The following POT1 variants were observed in gnomAD, a reference collection of about 807,000 sequenced individuals.
The protein encoded by POT1 is protection of telomeres protein 1.
A neutral mutation model predicts 78.5 loss-of-function variants in POT1; 47 were observed. The ratio of observed to expected loss-of-function variants is 0.60; its 90% CI spans 0.47 to 0.76. The LOEUF (loss-of-function observed/expected upper bound fraction) is 0.76. Ranked by LOEUF, POT1 falls within the 30% of genes least tolerant of loss-of-function variation. The pLI is 0.00. For missense variants in POT1, 646 were observed against 749.9 expected (o/e 0.86, Z 1.62); for synonymous variants, 259 against 260.7 (o/e 0.99, Z 0.06).
intron 6 of POT1, among the ~76,000 whole-genome samples, chr7:124,885,293 CAAAAAA>C (rs11372618): frequency 1.6e-5 from 1 of 63,252 alleles, no homozygotes; most frequent in African/African-American, 6.2e-5. Context: ...TCCATCTCTC[CAAAAAA>C]AAAAAAAAAA....
Position 124,851,930 on chromosome 7 carries a change from C to A in POT1, c.891G>T (p.Leu297Phe). Residue 297 changes from leucine (L) to phenylalanine (F), a missense_variant, in exon 11 of 19, where the codon TTG becomes TTT. This residue lies in a region of POT1 where 394 missense variants were observed against 408.4 expected (regional missense o/e 0.96). Coordinates refer to ENST00000357628, the MANE Select transcript of POT1 (RefSeq NM_015450.3). Reference protein sequence around the residue: ...QLKKDLESANLTANQHSDVIC... With the variant: ...QLKKDLESANFTANQHSDVIC... ...TAACATCTGAATGCTGATTGGCTGT[C>A]AAATTTGCAGATTCTAAATCCCTAT... 6.2e-7 allele frequency: 1 copy of A among 1,610,332 alleles called. No homozygotes were observed. The highest frequency in any genetic ancestry group is 8.5e-7 in the Non-Finnish European group (1 of 1,176,954).
chr7:124,889,977 A>G (rs1563007136), intron 6 of POT1, among the ~76,000 whole-genome samples: 1 of 151,956 alleles, frequency 6.6e-6, no homozygotes, highest in African/African-American at 2.4e-5. Context: ...AAGTGTCATT[A>G]TTTAAAAAAA....
At chr7:124,871,678 C>T (rs759516543) in intron 6 of POT1, among the ~76,000 whole-genome samples, 3 of 150,360 alleles carry the variant, frequency 2.0e-5, no homozygotes, top group Non-Finnish European at 4.4e-5. Flanking sequence ...TGCTATAAAA[C>T]GATAACTTCA....
At chr7:124,912,690 ATTGT>A (rs1242875365) in intron 3 of POT1, among the ~76,000 whole-genome samples, 4 of 152,128 alleles carry the variant, frequency 2.6e-5, no homozygotes, top group African/African-American at 9.7e-5. Context: ...TATTCAATAT[ATTGT>A]TTAATAAATG....
chr7:124,844,126 G>GTTTT (rs34848715), intron 12 of POT1, among the ~76,000 whole-genome samples: 2 of 127,216 alleles, frequency 1.6e-5, no homozygotes, highest in Non-Finnish European at 3.3e-5. Context: ...GGCGATTGTG[G>GTTTT]TTTTTTTTTT....
intron 9 of POT1, among the ~76,000 whole-genome samples, chr7:124,856,642 C>T (rs1002527157): frequency 2.0e-5 from 3 of 152,014 alleles, no homozygotes; most frequent in Non-Finnish European, 4.4e-5. Context: ...ACAAGAAAAG[C>T]AGGAAAAGCG....
intron 2 of POT1, among the ~76,000 whole-genome samples, chr7:124,926,797 C>G (rs1439504066): frequency 6.6e-6 from 1 of 152,048 alleles, no homozygotes; most frequent in African/African-American, 2.4e-5. Context: ...AAATGGAGAC[C>G]ATTATCTTAA....
chr7:124,900,473 T>C (rs1236957484), intron 3 of POT1, among the ~76,000 whole-genome samples: 1 of 152,150 alleles, frequency 6.6e-6, no homozygotes, highest in Admixed American at 6.5e-5. Flanking sequence ...CAAACTTTTC[T>C]TAATGCCTTT....
chr7:124,868,985 A>G (rs1795799910), intron 7 of POT1, among the ~76,000 whole-genome samples: 1 of 152,054 alleles, frequency 6.6e-6, no homozygotes, highest in African/African-American at 2.4e-5. Context: ...AAACTGCTGG[A>G]TACAACTAGG....
intron 9 of POT1, among the ~76,000 whole-genome samples, chr7:124,857,128 G>T (rs1346426214): frequency 6.6e-6 from 1 of 152,158 alleles, no homozygotes; most frequent in Admixed American, 6.5e-5. Flanking sequence ...ATGTAGAATG[G>T]ATATATTTGC....
chr7:124,854,324 C>T (rs755421911), intron 9 of POT1, among the ~76,000 whole-genome samples: 3 of 151,692 alleles, frequency 2.0e-5, no homozygotes, highest in Non-Finnish European at 4.4e-5. Context: ...AATTTTTGTA[C>T]ACTGAATAAT....
Position 124,871,727 on chromosome 7 carries a change from TA to T in POT1, c.125-687del, listed in dbSNP as rs377444818. On this transcript the variant is annotated intron_variant, in intron 6 of 18. Coordinates refer to ENST00000357628, the MANE Select transcript of POT1 (RefSeq NM_015450.3). ...GTAAAAACTGTAATAGATCCTGCCTTAAAATTTTTTTTTTTTTTTTGTAATT... is the reference window on the plus strand; with the variant it reads ...GTAAAAACTGTAATAGATCCTGCCTTAAATTTTTTTTTTTTTTTTGTAATT... Among the ~76,000 whole-genome samples the T allele has an allele frequency of 3.9e-3, 403 of 104,482 alleles. 3 individuals are homozygous for T. The highest frequency in any genetic ancestry group is 0.01 in the South Asian group (28 of 2,686). The allele number at this position is 104,482 out of a possible 152,430, so 68.5% of individuals were successfully genotyped here.
At chr7:124,833,850 C>T (rs565407772) in intron 15 of POT1, among the ~76,000 whole-genome samples, 1 of 152,132 alleles carries the variant, frequency 6.6e-6, no homozygotes, top group South Asian at 2.1e-4. Context: ...TAAGTTGATA[C>T]ACTGTAAGTT....
At chr7:124,824,152 C>T in intron 18 of POT1, 78 bp from the exon 19 acceptor site, 1 of 769,560 alleles carries the variant, frequency 1.3e-6, no homozygotes, top group East Asian at 2.9e-5. Context: ...CCTAAGCTTA[C>T]CACTGAGCTA....
chr7:124,854,745 GA>G (rs1795401581), intron 9 of POT1, among the ~76,000 whole-genome samples: 1 of 151,476 alleles, frequency 6.6e-6, no homozygotes, highest in South Asian at 2.1e-4. Flanking sequence ...AAAGAAAAAA[GA>G]AAAAAATAAT....
chr7:124,828,377 T>C (rs1303483089), intron 16 of POT1, among the ~76,000 whole-genome samples: 1 of 152,178 alleles, frequency 6.6e-6, no homozygotes, highest in African/African-American at 2.4e-5. Context: ...CAGGTTAAGA[T>C]AAATATCTTC....
At chr7:124,904,525 C>T (rs1796710427) in intron 3 of POT1, among the ~76,000 whole-genome samples, 1 of 152,030 alleles carries the variant, frequency 6.6e-6, no homozygotes, top group Non-Finnish European at 1.5e-5. Context: ...TATGACAAAC[C>T]CACAGCCAAT....
At chr7:124,824,908 G>A (rs1794593342) in intron 18 of POT1, among the ~76,000 whole-genome samples, 1 of 152,078 alleles carries the variant, frequency 6.6e-6, no homozygotes. Flanking sequence ...GATAATTGGA[G>A]TTTGTTACAG....
At chr7:124,894,002 G>C (rs1308166302) in intron 5 of POT1, among the ~76,000 whole-genome samples, 1 of 151,418 alleles carries the variant, frequency 6.6e-6, no homozygotes, top group Non-Finnish European at 1.5e-5. Context: ...AAATAACTGT[G>C]AATAAGTTGG....
Sources: allele counts gnomAD v4.1 joint callset (sites outside exome capture counted in the v4.1 genomes callset), GRCh38; gene constraint gnomAD v4.1.1; regional missense constraint gnomAD v4.1.1; transcripts MANE v1.5; gene names NCBI Gene and HGNC (gene_info 2026-07-23, HGNC 2026-07-21).